The following PATJ variants were observed in gnomAD, a reference collection of about 807,000 sequenced individuals.
PATJ encodes the protein PATJ crumbs cell polarity complex component, also known as inaD-like protein.
In PATJ, 190 loss-of-function variants were observed where a neutral mutation model predicts 224.9. The observed-to-expected ratio is 0.84, with a 90% CI of 0.75 to 0.95. The LOEUF (loss-of-function observed/expected upper bound fraction) is 0.95, where lower values mean the gene tolerates loss of function less well. PATJ is among the 40% of genes least tolerant of loss of function. PATJ has a pLI of 0.00. For synonymous variants in PATJ, 769 were observed against 820.3 expected (o/e 0.94, Z 1.07); for missense variants, 2,121 against 2,270.3 (o/e 0.93, Z 1.34).
chr1:62,135,182 G>T (rs1029606608), intron 41 of PATJ, among the ~76,000 whole-genome samples: 13 of 152,020 alleles, frequency 8.6e-5, no homozygotes, highest in African/African-American at 2.7e-4. Flanking sequence ...ATGCAGCCAG[G>T]GGTAAGAAAA....
chr1:61,840,572 T>C (rs1660924080), intron 17 of PATJ, among the ~76,000 whole-genome samples: 1 of 152,034 alleles, frequency 6.6e-6, no homozygotes, highest in Non-Finnish European at 1.5e-5. Context: ...TTTCTTAAAA[T>C]TATATGCTCT....
intron 1 of PATJ, among the ~76,000 whole-genome samples, chr1:61,749,733 C>A (rs113134490): frequency 7.9e-5 from 12 of 151,680 alleles, no homozygotes; most frequent in African/African-American, 2.9e-4. Flanking sequence ...CTATGGAGTG[C>A]AGTGGTGTGA....
intron 29 of PATJ, among the ~76,000 whole-genome samples, chr1:62,033,768 C>T (rs1012450127): frequency 4.6e-5 from 7 of 152,244 alleles, no homozygotes; most frequent in South Asian, 2.1e-4. Flanking sequence ...GGGCGGTTTC[C>T]GTAATTCTGG....
intron 26 of PATJ, among the ~76,000 whole-genome samples, chr1:61,921,979 C>T (rs1387219779): frequency 6.6e-6 from 1 of 152,152 alleles, no homozygotes; most frequent in Non-Finnish European, 1.5e-5. Context: ...TGCTGTCTTG[C>T]AGCTTGCATT....
chr1:62,105,722 G>C (rs1269640642), intron 33 of PATJ, among the ~76,000 whole-genome samples: 1 of 151,998 alleles, frequency 6.6e-6, no homozygotes, highest in African/African-American at 2.4e-5. Context: ...ACTTTTCCTG[G>C]CTTTTGGGGG....
rs1227785853 is a variant in PATJ, at chr1:62,051,035, C to T, written c.4102C>T (p.Pro1368Ser). ...GSVEVGIKQL[P>S]ESESFKLAVS... ...CGTCGAAGTTGGTATTAAACAATTG[C>T]CTGAAAGTGAAAGCTTCAAACTGGT... The change falls in exon 31 of 44, where the codon CCT becomes TCT. Residue 1368 changes from proline (P) to serine (S), a missense_variant. By Grantham distance (74) the Pro-to-Ser change is moderately conservative. Transcript: ENST00000642238. 4 of 1,613,070 alleles carry T rather than the reference C, an allele frequency of 2.5e-6. No individual in the cohort carries two copies. Among genetic ancestry groups the T allele is most frequent in the East Asian group, 2.2e-5 (1 of 44,848 alleles).
intron 27 of PATJ, among the ~76,000 whole-genome samples, chr1:61,955,153 A>G (rs996620438): frequency 1.3e-5 from 2 of 152,120 alleles, no homozygotes; most frequent in African/African-American, 4.8e-5. Flanking sequence ...CCATTTTTAG[A>G]TAGTAAAACT....
intron 18 of PATJ, among the ~76,000 whole-genome samples, chr1:61,858,619 G>A (rs141394340): frequency 6.6e-6 from 1 of 152,014 alleles, no homozygotes; most frequent in African/African-American, 2.4e-5. Flanking sequence ...TCACCATCGC[G>A]AAGACAGCAC....
intron 37 of PATJ, among the ~76,000 whole-genome samples, chr1:62,118,657 T>C (rs1664715295): frequency 6.6e-6 from 1 of 152,044 alleles, no homozygotes; most frequent in African/African-American, 2.4e-5. Flanking sequence ...TGAGACGGAG[T>C]CCCACTCTGT....
intron 28 of PATJ, among the ~76,000 whole-genome samples, chr1:61,999,190 T>C (rs1470447972): frequency 2.6e-5 from 4 of 152,190 alleles, no homozygotes; most frequent in Non-Finnish European, 4.4e-5. Flanking sequence ...TTTCTGCGAT[T>C]TTCCCCCATG....
At chr1:61,851,225 TAGA>T (rs1167959894) in intron 17 of PATJ, among the ~76,000 whole-genome samples, 1 of 152,238 alleles carries the variant, frequency 6.6e-6, no homozygotes, top group African/African-American at 2.4e-5. Flanking sequence ...AAACTAATTC[TAGA>T]AGGTCAAATA....
chr1:61,967,290 G>T (rs1682313195), intron 27 of PATJ, among the ~76,000 whole-genome samples: 1 of 152,076 alleles, frequency 6.6e-6, no homozygotes, highest in South Asian at 2.1e-4. Context: ...ACTAAGAACT[G>T]CCTTTTTATT....
intron 28 of PATJ, among the ~76,000 whole-genome samples, chr1:61,998,069 T>TA (rs1466938479): frequency 7.3e-6 from 1 of 137,466 alleles, no homozygotes; most frequent in Non-Finnish European, 1.5e-5. Flanking sequence ...AATAAATATA[T>TA]ATTATATAAT....
chr1:62,016,273 G>A lies in PATJ; in HGVS notation c.3868-1583G>A, dbSNP rs1646765256. Among the ~76,000 whole-genome samples, 6 of 152,262 alleles carry A rather than the reference G, an allele frequency of 3.9e-5. No individual in the cohort carries two copies. The South Asian group carries it at 1.2e-3, about 32-fold the overall frequency. ...CTATATTTTCATTTCATATTTTAAA[G>A]TGTTCACTTCCACATGCTGTCACAT... On this transcript the variant is annotated intron_variant, in intron 28 of 43. Coordinates refer to ENST00000642238, the MANE Select transcript of PATJ (RefSeq NM_001350145.3).
At chr1:62,038,335 T>C (rs1472926282) in intron 30 of PATJ, 7 of 213,396 alleles carry the variant, frequency 3.3e-5, no homozygotes, top group Admixed American at 2.9e-4. Context: ...AAAATTCTCT[T>C]TGTTTATGAC....
intron 41 of PATJ, among the ~76,000 whole-genome samples, chr1:62,138,518 G>T (rs892126455): frequency 3.3e-5 from 5 of 151,956 alleles, no homozygotes; most frequent in African/African-American, 1.2e-4. Flanking sequence ...TGTTGGCCAG[G>T]CTCGTCACAA....
chr1:61,892,990 T>C (rs9970670), intron 22 of PATJ, among the ~76,000 whole-genome samples: 115,910 of 152,072 alleles, frequency 0.76, 44,834 homozygotes, highest in Middle Eastern at 0.83. Context: ...AAATTCCTTG[T>C]TAAAGTTTCA....
intron 28 of PATJ, among the ~76,000 whole-genome samples, chr1:61,996,776 T>G (rs1645388694): frequency 1.4e-5 from 2 of 142,560 alleles, no homozygotes; most frequent in Non-Finnish European, 3.0e-5. Context: ...GGAGTCTTGC[T>G]CTATCGCCCA....
intron 22 of PATJ, among the ~76,000 whole-genome samples, chr1:61,896,136 A>C (rs914035866): frequency 3.9e-5 from 6 of 152,114 alleles, no homozygotes; most frequent in Non-Finnish European, 8.8e-5. Context: ...GTCTCTACTA[A>C]AAATACAAAA....
Sources: gnomAD v4.1 joint callset for allele counts (sites outside exome capture counted in the v4.1 genomes callset) on GRCh38, gnomAD v4.1.1 for gene constraint, MANE v1.5 for transcripts, NCBI Gene and HGNC (gene_info 2026-07-23, HGNC 2026-07-21) for gene names.